Variants in ZNF704 observed in about 807,000 individuals in gnomAD.
The protein encoded by ZNF704 is zinc finger protein 704, also known as glucocorticoid induced gene 1.
Under a neutral mutation model 44.7 loss-of-function variants are expected in ZNF704, and 10 were observed. That is an observed-to-expected ratio of 0.22 (90% CI 0.14 to 0.38). The LOEUF (loss-of-function observed/expected upper bound fraction) is 0.38, where lower values mean the gene tolerates loss of function less well. Among genes scored for constraint, ZNF704 ranks in the 10% least tolerant of loss-of-function variants. ZNF704 has a pLI of 1.00. For missense variants in ZNF704, 390 were observed against 545.5 expected, an observed-to-expected ratio of 0.71 and a Z score of 2.84; for synonymous variants, 211 against 207.6, an observed-to-expected ratio of 1.02 and a Z score of -0.14.
intron 4 of ZNF704, among the ~76,000 whole-genome samples, chr8:80,672,707 C>T (rs540301201): frequency 1.8e-4 from 27 of 152,178 alleles, no homozygotes; most frequent in Middle Eastern, 3.4e-3. Context: ...GGGAGCTAAA[C>T]GATGGGTCCA....
intron 5 of ZNF704, among the ~76,000 whole-genome samples, chr8:80,666,907 T>C (rs371484067): frequency 3.3e-5 from 5 of 151,952 alleles, no homozygotes; most frequent in East Asian, 1.9e-4. Context: ...TTCTCCCATT[T>C]TGTAGGTTGC....
intron 2 of ZNF704, among the ~76,000 whole-genome samples, chr8:80,694,529 T>C (rs1375850695): frequency 6.6e-6 from 1 of 152,228 alleles, no homozygotes; most frequent in African/African-American, 2.4e-5. Flanking sequence ...AATTGTCACT[T>C]TGACAAATGT....
Position 80,636,872 on chromosome 8 carries a change from T to C in ZNF704, c.*4494A>G, listed in dbSNP as rs747432287. The C allele has an allele frequency of 6.6e-6, 1 of 152,244 alleles. No individual in the cohort carries two copies. Among genetic ancestry groups the C allele is most frequent in the Non-Finnish European group, 1.5e-5 (1 of 68,036 alleles). 9.4% of individuals were successfully genotyped at this position (152,244 alleles called of 1,614,324 possible). A position where few individuals can be genotyped will look rare whatever the true frequency, so the allele number is the denominator to read the frequency against. Reference sequence around the variant, plus strand: ...CAAAAGTCCATGGAAGTTTGTTCGCTAACATGCTATTAAAGCAAAATGTAC... The same window carrying C: ...CAAAAGTCCATGGAAGTTTGTTCGCCAACATGCTATTAAAGCAAAATGTAC... On this transcript the variant is annotated 3_prime_UTR_variant, in exon 9 of 9. Transcript: ENST00000327835.
At chr8:80,851,210 C>T (rs997815816) in intron 1 of ZNF704, among the ~76,000 whole-genome samples, 6 of 152,154 alleles carry the variant, frequency 3.9e-5, no homozygotes, top group Non-Finnish European at 7.3e-5. Context: ...ACCCAGCCAT[C>T]CCATTACTGC....
intron 4 of ZNF704, among the ~76,000 whole-genome samples, chr8:80,683,874 G>A (rs1818493245): frequency 6.6e-6 from 1 of 152,184 alleles, no homozygotes; most frequent in Non-Finnish European, 1.5e-5. Flanking sequence ...AGGTGGGAGT[G>A]AGCCATCTCT....
chr8:80,819,175 T>C (rs1171100614), intron 2 of ZNF704, among the ~76,000 whole-genome samples: 1 of 152,176 alleles, frequency 6.6e-6, no homozygotes, highest in Non-Finnish European at 1.5e-5. Context: ...TGTGCATTAA[T>C]GGATTTAAAA....
At chr8:80,767,853 C>T (rs1054818608) in intron 2 of ZNF704, among the ~76,000 whole-genome samples, 2 of 152,146 alleles carry the variant, frequency 1.3e-5, no homozygotes, top group African/African-American at 2.4e-5. Context: ...ACCCACTTTT[C>T]GCAGAGGTTC....
intron 2 of ZNF704, among the ~76,000 whole-genome samples, chr8:80,761,537 C>A (rs1807130757): frequency 6.6e-6 from 1 of 151,988 alleles, no homozygotes. Context: ...AAATCACAAT[C>A]CTGAGAGATC....
At chr8:80,682,049 C>T (rs1477704550) in intron 4 of ZNF704, among the ~76,000 whole-genome samples, 1 of 152,176 alleles carries the variant, frequency 6.6e-6, no homozygotes, top group Non-Finnish European at 1.5e-5. Flanking sequence ...ATCGCCCTCC[C>T]CAGCAGTTTT....
At chr8:80,742,463 A>G in intron 2 of ZNF704, among the ~76,000 whole-genome samples, 1 of 152,212 alleles carries the variant, frequency 6.6e-6, no homozygotes, top group Non-Finnish European at 1.5e-5. Flanking sequence ...TGGCCAAATC[A>G]TTATTTACTG....
chr8:80,838,242 CAT>C (rs954476204), intron 1 of ZNF704, among the ~76,000 whole-genome samples: 2 of 152,204 alleles, frequency 1.3e-5, no homozygotes, highest in African/African-American at 4.8e-5. Context: ...AACTTTAAGA[CAT>C]AGTTTCTCTG....
At chr8:80,777,114 T>G (rs1209738229) in intron 2 of ZNF704, among the ~76,000 whole-genome samples, 1 of 151,902 alleles carries the variant, frequency 6.6e-6, no homozygotes, top group Non-Finnish European at 1.5e-5. Context: ...GGCAAAGTTA[T>G]TTTTTTTAAA....
intron 7 of ZNF704, among the ~76,000 whole-genome samples, chr8:80,657,079 G>A (rs904972912): frequency 2.6e-5 from 4 of 152,108 alleles, no homozygotes; most frequent in Non-Finnish European, 5.9e-5. Context: ...CATGCTGTCC[G>A]TGGGTGTACA....
chr8:80,681,973 G>C (rs2131626456), intron 4 of ZNF704, among the ~76,000 whole-genome samples: 1 of 152,236 alleles, frequency 6.6e-6, no homozygotes, highest in East Asian at 1.9e-4. Flanking sequence ...CCCTGCCCTG[G>C]CTGACAATGC....
At chr8:80,811,714 A>G (rs928586502) in intron 2 of ZNF704, among the ~76,000 whole-genome samples, 1 of 152,138 alleles carries the variant, frequency 6.6e-6, no homozygotes, top group Non-Finnish European at 1.5e-5. Context: ...TTACATTTCA[A>G]TTTTTTTCTT....
At chr8:80,870,785 G>A (rs918979858) in intron 1 of ZNF704, among the ~76,000 whole-genome samples, 13 of 151,958 alleles carry the variant, frequency 8.6e-5, no homozygotes, top group African/African-American at 3.1e-4. Context: ...ACATACTGAT[G>A]TCGCTCAAAT....
At chr8:80,878,901 T>C (rs969140346), upstream of ZNF704, among the ~76,000 whole-genome samples, 2 of 152,200 alleles carry the variant, frequency 1.3e-5, no homozygotes, top group Non-Finnish European at 2.9e-5. Flanking sequence ...ACTATTTCAG[T>C]AGGTGCAATT....
At chr8:80,743,955 G>GA (rs145688539) in intron 2 of ZNF704, among the ~76,000 whole-genome samples, 2,555 of 152,124 alleles carry the variant, frequency 0.017, 80 homozygotes, top group African/African-American at 0.058. Flanking sequence ...GTGACTCTAA[G>GA]AAAAAACAAA....
At chr8:80,873,678 C>T (rs559940128) in intron 1 of ZNF704, 3 of 154,584 alleles carry the variant, frequency 1.9e-5, no homozygotes, top group Admixed American at 6.6e-5. Flanking sequence ...TCCTCTTCCT[C>T]GTCGTCATCC....
Sources: allele counts gnomAD v4.1 joint callset (sites outside exome capture counted in the v4.1 genomes callset), GRCh38; gene constraint gnomAD v4.1.1; transcripts MANE v1.5; gene names NCBI Gene and HGNC (gene_info 2026-07-23, HGNC 2026-07-21).